The following CATSPER3 variants were observed in gnomAD, a reference collection of about 807,000 sequenced individuals.
CATSPER3 encodes cation channel sperm associated 3.
Under a neutral mutation model 36.6 loss-of-function variants are expected in CATSPER3, and 23 were observed. The ratio of observed to expected loss-of-function variants is 0.63; its 90% confidence interval spans 0.45 to 0.89. The LOEUF (loss-of-function observed/expected upper bound fraction) is 0.89. Ranked by LOEUF, CATSPER3 falls within the 40% of genes least tolerant of loss-of-function variation. The pLI, the probability that CATSPER3 is intolerant of heterozygous loss-of-function variation, is 0.00. For missense variants in CATSPER3, 474 were observed against 503.9 expected (o/e 0.94, Z 0.57); for synonymous variants, 172 against 184.1 (o/e 0.93, Z 0.53).
chr5:134,987,365 C>A (rs1479687718), intron 2 of CATSPER3, among the ~76,000 whole-genome samples: 1 of 152,126 alleles, frequency 6.6e-6, no homozygotes, highest in East Asian at 1.9e-4. Context: ...CAAAGAAAAT[C>A]TCAGGACCAG....
chr5:135,004,965 A>C (rs987638187), intron 3 of CATSPER3, among the ~76,000 whole-genome samples: 2 of 151,868 alleles, frequency 1.3e-5, no homozygotes, highest in East Asian at 3.9e-4. Context: ...AGGAGAGAGG[A>C]ACTGTGGAAT....
intron 3 of CATSPER3, among the ~76,000 whole-genome samples, chr5:135,003,088 C>G (rs1202759666): frequency 6.6e-6 from 1 of 152,190 alleles, no homozygotes; most frequent in African/African-American, 2.4e-5. Flanking sequence ...GTGGTTTTAT[C>G]TACCTTTGGT....
chr5:134,996,069 G>C (rs561841307), intron 2 of CATSPER3, among the ~76,000 whole-genome samples: 3 of 152,362 alleles, frequency 2.0e-5, no homozygotes, highest in South Asian at 4.1e-4. Context: ...AGCCCCAGGT[G>C]TAGGGCCACG....
At position 134,970,009 on chromosome 5, in the gene CATSPER3, A is replaced by T. The variant is rs1279197658; in HGVS notation, c.169A>T (p.Ile57Phe). The T allele has an allele frequency of 3.1e-6, 5 of 1,613,898 alleles. No individual in the cohort carries two copies. Among genetic ancestry groups the T allele is most frequent in the Middle Eastern group, 1.6e-4 (1 of 6,084 alleles). Residue 57 changes from isoleucine to phenylalanine, a missense_variant, in exon 2 of 8, where the codon ATT (isoleucine) becomes TTT (phenylalanine). Ile to Phe is a conservative substitution (Grantham distance 21). Transcript: ENST00000282611. ...IMSRFFKIIM[I>F]STVTSNAFFM... ...GAGCCGTTTCTTTAAGATAATTATG[A>T]TTAGCACTGTCACATCGAATGCGTT...
chr5:134,985,612 A>G (rs987669736), intron 2 of CATSPER3, among the ~76,000 whole-genome samples: 6 of 152,130 alleles, frequency 3.9e-5, no homozygotes, highest in African/African-American at 1.2e-4. Flanking sequence ...GTGTACCCCT[A>G]AAAGTATTGA....
chr5:135,008,164 A>C, intron 4 of CATSPER3, 25 bp downstream of exon 4: 1 of 1,603,610 alleles, frequency 6.2e-7, no homozygotes, highest in South Asian at 1.1e-5. Flanking sequence ...AACAGTGGTG[A>C]GGGCAGGGGC....
rs1356311527 is a variant in CATSPER3, at chr5:135,008,104, G to C, written c.640G>C (p.Ala214Pro). The C allele has an allele frequency of 1.9e-6, 3 of 1,614,130 alleles. No homozygotes were observed. The highest frequency in any genetic ancestry group is 1.7e-6 in the Non-Finnish European group (2 of 1,180,042). ...NGDHDNWGNL[A>P]AAFFTLFSLA... is the part of the protein sequence containing the mutation. ...TGACCATGATAACTGGGGGAACCTG[G>C]CTGCAGCTTTTTTCACCCTCTTCAG... Residue 214 changes from alanine to proline, a missense_variant, in exon 4 of 8, where the codon GCT (alanine) becomes CCT (proline). Coordinates refer to ENST00000282611, the MANE Select transcript of CATSPER3 (RefSeq NM_178019.3).
intron 2 of CATSPER3, among the ~76,000 whole-genome samples, chr5:134,974,466 G>A (rs1296130256): frequency 6.6e-6 from 1 of 152,162 alleles, no homozygotes; most frequent in Non-Finnish European, 1.5e-5. Context: ...TTGTAATTGG[G>A]ATGTGGGACA....
chr5:134,999,938 A>G (rs1371456149), intron 3 of CATSPER3, among the ~76,000 whole-genome samples: 1 of 152,172 alleles, frequency 6.6e-6, no homozygotes, highest in African/African-American at 2.4e-5. Flanking sequence ...AGAACTTCCA[A>G]CACTATGTTG....
In CATSPER3 at chr5:134,993,180, T is replaced by A. The variant is rs138193649; in HGVS notation, c.253-3093T>A. Among the ~76,000 whole-genome samples, 61 of 152,266 alleles carry A rather than the reference T, an allele frequency of 4.0e-4. No individual in the cohort carries two copies. The East Asian group carries it at 9.4e-3, about 24-fold the overall frequency. On this transcript the variant is annotated intron_variant, in intron 2 of 7. Transcript: ENST00000282611. ...AACATGGAATGAACCTTGGAAACAT[T>A]CCATGAAGTGAAAAAAGCCAGACAC...
chr5:135,008,374 G>A (rs1752118381), intron 4 of CATSPER3, among the ~76,000 whole-genome samples: 1 of 152,164 alleles, frequency 6.6e-6, no homozygotes, highest in South Asian at 2.1e-4. Flanking sequence ...CTCACAGGGT[G>A]ATCAAACTTT....
chr5:135,003,610 G>A (rs1025137376), intron 3 of CATSPER3, among the ~76,000 whole-genome samples: 3 of 152,236 alleles, frequency 2.0e-5, no homozygotes, highest in Admixed American at 2.0e-4. Context: ...CTCAGTTTGA[G>A]CTTCCCAGCC....
rs116556427 is a variant in CATSPER3, at chr5:135,010,041, T to C, written c.937-332T>C. ...TGAGCTTTGGGTGCTCTGCTGGGCC[T>C]CCCTCCCTTGGTGGGTGTGTCTCTC... On this transcript the variant is annotated intron_variant, in intron 6 of 7. Coordinates refer to ENST00000282611, the MANE Select transcript of CATSPER3 (RefSeq NM_178019.3). Among the ~76,000 whole-genome samples the C allele has an allele frequency of 3.3e-3, 496 of 152,320 alleles. 4 individuals carry two copies. Among genetic ancestry groups the C allele is most frequent in the African/African-American group, 0.011 (457 of 41,580 alleles).
At chr5:134,988,494 C>T (rs914838511) in intron 2 of CATSPER3, among the ~76,000 whole-genome samples, 10 of 152,196 alleles carry the variant, frequency 6.6e-5, no homozygotes, top group African/African-American at 2.2e-4. Flanking sequence ...ACGAAGTTTA[C>T]GGAATATTCT....
chr5:134,983,505 A>T (rs139723236), intron 2 of CATSPER3, among the ~76,000 whole-genome samples: 2 of 152,284 alleles, frequency 1.3e-5, no homozygotes, highest in African/African-American at 4.8e-5. Flanking sequence ...CTACACTGCA[A>T]TCTGGGTGAC....
intron 2 of CATSPER3, among the ~76,000 whole-genome samples, chr5:134,983,777 A>T (rs796103506): frequency 1.6e-4 from 24 of 152,336 alleles, no homozygotes; most frequent in African/African-American, 5.5e-4. Context: ...TCCAGGATAG[A>T]TTATATATTA....
At chr5:135,002,697 T>C (rs58779995) in intron 3 of CATSPER3, among the ~76,000 whole-genome samples, 18,022 of 152,238 alleles carry the variant, frequency 0.12, 3,437 homozygotes, top group African/African-American at 0.41. Context: ...CTTCATTTCA[T>C]TCATTTGATC....
chr5:134,977,898 G>C (rs1751693571), intron 2 of CATSPER3, among the ~76,000 whole-genome samples: 1 of 152,100 alleles, frequency 6.6e-6, no homozygotes, highest in Non-Finnish European at 1.5e-5. Flanking sequence ...GTCACATGGT[G>C]AGAGAGAGAG....
chr5:135,008,256 A>G lies in CATSPER3; in HGVS notation c.675+117A>G. On this transcript the variant is annotated intron_variant, in intron 4 of 7. Coordinates refer to ENST00000282611, the MANE Select transcript of CATSPER3 (RefSeq NM_178019.3). ...GGGCTTTCCTCATGTCCAGGTACTC[A>G]TCTGGGCCTAGGGAAGCTGGGGTCT... 3 of 837,370 alleles carry G rather than the reference A, an allele frequency of 3.6e-6. No homozygotes were observed. The South Asian group carries it at 4.6e-5, about 13-fold the overall frequency. 51.9% of individuals were successfully genotyped at this position (837,370 alleles called of 1,614,324 possible).
Sources: allele counts gnomAD v4.1 joint callset (sites outside exome capture counted in the v4.1 genomes callset), GRCh38; gene constraint gnomAD v4.1.1; transcripts MANE v1.5; gene names NCBI Gene and HGNC (gene_info 2026-07-23, HGNC 2026-07-21).